CILP: variants seen among roughly 807,000 people sequenced by gnomAD.
The protein encoded by CILP is cartilage intermediate layer protein 1.
In CILP, 75 loss-of-function variants were observed where a neutral mutation model predicts 82.5. That is an observed-to-expected ratio of 0.91 (90% CI 0.75 to 1.10). The LOEUF is 1.10. Among genes scored for constraint, CILP ranks in the 50% least tolerant of loss-of-function variants. CILP has a pLI of 0.00. For missense variants in CILP, 1,479 were observed against 1,530.8 expected, an observed-to-expected ratio of 0.97 and a Z score of 0.56; for synonymous variants, 530 against 580.3, an observed-to-expected ratio of 0.91 and a Z score of 1.25.
chr15:65,210,091 T>A (rs1294667892), intron 1 of CILP, among the ~76,000 whole-genome samples: 1 of 151,928 alleles, frequency 6.6e-6, no homozygotes, highest in Non-Finnish European at 1.5e-5. Flanking sequence ...GGGCCCCACA[T>A]GGAGATGAGG....
chr15:65,204,667 T>C, intron 5 of CILP, 85 bp from the exon 6 acceptor site: 2 of 1,369,660 alleles, frequency 1.5e-6, no homozygotes. Context: ...CCTCTCCTCC[T>C]TGGCCTTTGC....
At position 65,201,854 on chromosome 15, in the gene CILP, G is replaced by T; in HGVS notation, c.1186+18C>A. ...CCTGTTGCAGACCCAGGGGCCCCAG[G>T]GACCCAGACAGGCTTACCTATGACA... On this transcript the variant is annotated intron_variant, in intron 8 of 8. Coordinates refer to ENST00000261883, the MANE Select transcript of CILP (RefSeq NM_003613.4). 2 of 1,471,670 alleles carry T rather than the reference G, an allele frequency of 1.4e-6. No individual in the cohort carries two copies. Among genetic ancestry groups the T allele is most frequent in the Non-Finnish European group, 1.8e-6 (2 of 1,108,392 alleles). 91.2% of individuals were successfully genotyped at this position (1,471,670 alleles called of 1,614,324 possible). A position where few individuals can be genotyped will look rare whatever the true frequency, so the allele number is the denominator to read the frequency against.
chr15:65,199,363 G>C (rs946864393), intron 8 of CILP, among the ~76,000 whole-genome samples: 4 of 152,156 alleles, frequency 2.6e-5, no homozygotes, highest in Non-Finnish European at 4.4e-5. Context: ...AGGTGTTTTG[G>C]GTTATCTCCA....
chr15:65,202,701 T>TA (rs1351755919), intron 7 of CILP, among the ~76,000 whole-genome samples: 7 of 152,066 alleles, frequency 4.6e-5, no homozygotes, highest in African/African-American at 1.7e-4. Context: ...GTGCTGGAAT[T>TA]ACAGGCATGA....
chr15:65,203,394 G>A lies in CILP; in HGVS notation c.996C>T (p.Ala332=). The A allele has an allele frequency of 6.2e-7, 1 of 1,613,414 alleles. No homozygotes were observed. ...ACTTGTCTGGCCTGGGCTTCCCTGT[G>A]GCCTTACAGCACAGAGACACGCTCT... is the stretch of plus-strand genomic sequence containing the variant. ...AGQSVSLCCK[A]TGKPRPDKYF... The change falls in exon 7 of 9, where the codon GCC becomes GCT. Residue 332 remains alanine, a synonymous_variant. Transcript: ENST00000261883.
chr15:65,209,778 C>T lies in CILP; in HGVS notation c.-23G>A, dbSNP rs368113997. ...CATCTTTCCCCCAAGCCCGTGGGAA[C>T]GTGGCAAGAGGTAGATGTGGGTGCT... On this transcript the variant is annotated 5_prime_UTR_variant, in exon 2 of 9. Transcript: ENST00000261883. The T allele has an allele frequency of 1.7e-5, 27 of 1,613,072 alleles. No homozygotes were observed. Among genetic ancestry groups the T allele is most frequent in the Admixed American group, 6.7e-5 (4 of 60,002 alleles).
chr15:65,205,546 T>A, intron 4 of CILP, 80 bp from the exon 5 acceptor site: 1 of 1,378,132 alleles, frequency 7.3e-7, no homozygotes, highest in Admixed American at 2.4e-5. Context: ...AGGCTGTTTC[T>A]TCTCTGGTAA....
Position 65,206,923 on chromosome 15 carries a change from G to A in CILP, c.283C>T (p.Arg95Trp). 10 of 1,613,916 alleles carry A rather than the reference G, an allele frequency of 6.2e-6. No individual in the cohort carries two copies. The highest frequency in any genetic ancestry group is 2.2e-5 in the East Asian group (1 of 44,880). ...VCARPLRLEARTTDWTPAGST... is the reference protein window; with the variant it reads ...VCARPLRLEAWTTDWTPAGST... ...CCCGCAGGTGTCCAGTCAGTGGTCC[G>A]AGCCTCTAGCCGCAGGGGACGGGCA... Residue 95 changes from arginine to tryptophan, a missense_variant, in exon 4 of 9, where the codon CGG becomes TGG. Physicochemically the swap from Arg to Trp is moderately radical, Grantham distance 101. Transcript: ENST00000261883.
In CILP at chr15:65,207,009, C is replaced by T. The variant is rs1347042330; in HGVS notation, c.197G>A (p.Gly66Asp). ...WTTWFNIDYP[G>D]GKGDYERLDA... ...CAGCCGCTCATAGTCGCCCTTCCCG[C>T]CTGGGTAGTCGATGTTGAACCATGT... The change falls in exon 4 of 9, where the codon GGC becomes GAC. Residue 66 changes from glycine (G) to aspartate (D), a missense_variant. Transcript: ENST00000261883. 3.1e-6 allele frequency: 5 copies of T among 1,613,992 alleles called. No individual in the cohort carries two copies. In the African/African-American group the frequency reaches 4.0e-5, roughly 13 times the overall value.
At position 65,207,622 on chromosome 15, in the gene CILP, C is replaced by T. The variant is rs369049464; in HGVS notation, c.154+50G>A. ...TGGCTTCAGAGATCCACTTCGGAAGCTCGTTAAAGGCTGCCCCTCCAGCCC... is the reference window on the plus strand; with the variant it reads ...TGGCTTCAGAGATCCACTTCGGAAGTTCGTTAAAGGCTGCCCCTCCAGCCC... On this transcript the variant is annotated intron_variant, in intron 3 of 8. Coordinates refer to ENST00000261883, the MANE Select transcript of CILP (RefSeq NM_003613.4). The T allele has an allele frequency of 6.3e-5, 96 of 1,532,494 alleles. No individual in the cohort carries two copies. In the Middle Eastern group the frequency reaches 2.1e-3, roughly 33 times the overall value. 94.9% of individuals were successfully genotyped at this position (1,532,494 alleles called of 1,614,324 possible). A position where few individuals can be genotyped will look rare whatever the true frequency, so the allele number is the denominator to read the frequency against.
chr15:65,207,306 A>C (rs969619727), intron 3 of CILP, among the ~76,000 whole-genome samples: 5 of 152,144 alleles, frequency 3.3e-5, no homozygotes, highest in Non-Finnish European at 7.4e-5. Flanking sequence ...CCCTGCAGTC[A>C]GGGTGAGCTT....
intron 2 of CILP, among the ~76,000 whole-genome samples, chr15:65,209,012 CTTTTTTTTTTT>C (rs556369891): frequency 1.4e-5 from 1 of 69,982 alleles, no homozygotes; most frequent in Non-Finnish European, 2.4e-5. Flanking sequence ...GGGTTTTGAG[CTTTTTTTTTTT>C]TTTTTTTTTT....
intron 8 of CILP, among the ~76,000 whole-genome samples, chr15:65,201,392 G>A (rs969025132): frequency 1.3e-5 from 2 of 152,014 alleles, no homozygotes; most frequent in Admixed American, 6.6e-5. Context: ...ATTCAGATCT[G>A]TACCATCGTT....
intron 1 of CILP, among the ~76,000 whole-genome samples, chr15:65,210,989 G>A (rs1424965922): frequency 6.6e-6 from 1 of 152,212 alleles, no homozygotes; most frequent in Non-Finnish European, 1.5e-5. Flanking sequence ...ATGTCTGGAG[G>A]CTGAGGTGGC....
At position 65,207,536 on chromosome 15, in the gene CILP, AC is replaced by A. The variant is rs1566997397; in HGVS notation, c.154+135del. On this transcript the variant is annotated intron_variant, in intron 3 of 8. Coordinates refer to ENST00000261883, the MANE Select transcript of CILP (RefSeq NM_003613.4). ...CTTATATACTAAGTTCCTTGGCTGG[AC>A]AGAGATGGAGGCCAAATGCTTGTAA... The A allele has an allele frequency of 5.7e-6, 4 of 702,548 alleles. No individual in the cohort carries two copies. In the South Asian group the frequency reaches 6.8e-5, roughly 12 times the overall value. 43.5% of individuals were successfully genotyped at this position (702,548 alleles called of 1,614,324 possible). A position where few individuals can be genotyped will look rare whatever the true frequency, so the allele number is the denominator to read the frequency against.
intron 8 of CILP, among the ~76,000 whole-genome samples, chr15:65,200,306 G>A (rs1222817635): frequency 1.3e-5 from 2 of 152,176 alleles, no homozygotes; most frequent in Non-Finnish European, 2.9e-5. Context: ...GAGCCTTGGT[G>A]TGATGGGTTG....
chr15:65,200,119 A>G (rs1026529702), intron 8 of CILP, among the ~76,000 whole-genome samples: 3 of 152,212 alleles, frequency 2.0e-5, no homozygotes, highest in African/African-American at 7.2e-5. Flanking sequence ...TCTCGTGTCA[A>G]TGTGCCAAAG....
rs1218785251 is a variant in CILP at position 65,197,298 on chromosome 15, C to T, written c.2988G>A (p.Arg996=). The change falls in exon 9 of 9, where the codon AGG becomes AGA. Residue 996 remains arginine, a synonymous_variant. Coordinates refer to ENST00000261883, the MANE Select transcript of CILP (RefSeq NM_003613.4). ...GIRDVRSTRD[R]DQPNVSAACL... is the part of the protein sequence containing the mutation. ...AGGCAGCTGAGACATTGGGCTGGTCCCTGTCCCGAGTGCTCCTCACATCTC... is the reference window on the plus strand; with the variant it reads ...AGGCAGCTGAGACATTGGGCTGGTCTCTGTCCCGAGTGCTCCTCACATCTC... 38 of 1,613,936 alleles carry T rather than the reference C, an allele frequency of 2.4e-5. No homozygotes were observed. Among genetic ancestry groups the T allele is most frequent in the Non-Finnish European group, 3.1e-5 (37 of 1,180,000 alleles).
chr15:65,196,996 T>C lies in CILP; in HGVS notation c.3290A>G (p.Asp1097Gly), dbSNP rs769801479. Residue 1097 changes from aspartate to glycine, a missense_variant, in exon 9 of 9, where the codon GAT (aspartate) becomes GGT (glycine). Physicochemically the swap from Asp to Gly is moderately conservative, Grantham distance 94 (BLOSUM62 -1). Transcript: ENST00000261883. ...TCTGGAGGAGCCATCGGATGTGCCA[T>C]CAAAGCACCGGCCGAGCGCGATCTC... is the stretch of plus-strand genomic sequence containing the variant. ...AKEIALGRCF[D>G]GTSDGSSRIM... 7.4e-6 allele frequency: 12 copies of C among 1,614,068 alleles called. No individual in the cohort carries two copies. Among genetic ancestry groups the C allele is most frequent in the South Asian group, 1.1e-5 (1 of 91,082 alleles).
Sources: allele counts gnomAD v4.1 joint callset (sites outside exome capture counted in the v4.1 genomes callset), GRCh38; gene constraint gnomAD v4.1.1; transcripts MANE v1.5; gene names NCBI Gene and HGNC (gene_info 2026-07-23, HGNC 2026-07-21).